Variants in ALDH2 observed in about 807,000 individuals in gnomAD.
ALDH2 encodes aldehyde dehydrogenase 2 family member, also known as aldehyde dehydrogenase, mitochondrial.
A neutral mutation model predicts 59.6 loss-of-function variants in ALDH2; 44 were observed. The observed-to-expected ratio is 0.74, with a 90% CI of 0.58 to 0.95. The LOEUF is 0.95. ALDH2 is among the 40% of genes least tolerant of loss of function. The pLI is 0.00. For missense variants in ALDH2, 570 were observed against 696.3 expected, an observed-to-expected ratio of 0.82 and a Z score of 2.04; for synonymous variants, 291 against 284.0, an observed-to-expected ratio of 1.02 and a Z score of -0.25.
intron 12 of ALDH2, among the ~76,000 whole-genome samples, chr12:111,808,338 C>T (rs914739771): frequency 2.0e-5 from 3 of 152,056 alleles, no homozygotes; most frequent in African/African-American, 7.2e-5. Context: ...GTGATGATTG[C>T]ACAACTTAAA....
chr12:111,793,509 G>A (rs2068378840), intron 9 of ALDH2, among the ~76,000 whole-genome samples: 1 of 151,880 alleles, frequency 6.6e-6, no homozygotes. Flanking sequence ...TCCTGCATGA[G>A]TGTGGTTCAT....
intron 6 of ALDH2, among the ~76,000 whole-genome samples, chr12:111,790,836 CTTGAGTTCAGGAGT>C (rs2068352266): frequency 6.6e-6 from 1 of 152,114 alleles, no homozygotes. Context: ...AGGAGGGTTG[CTTGAGTTCAGGAGT>C]TTGAGACCAG....
chr12:111,767,187 G>A (rs890718018), intron 1 of ALDH2, 91 bp downstream of exon 1: 2 of 1,050,224 alleles, frequency 1.9e-6, no homozygotes, highest in East Asian at 3.1e-5. Context: ...GGGCCTTAGT[G>A]TACTCATCTG....
chr12:111,793,848 C>T (rs887010660), intron 9 of ALDH2, among the ~76,000 whole-genome samples: 3 of 151,730 alleles, frequency 2.0e-5, no homozygotes, highest in African/African-American at 4.8e-5. Flanking sequence ...CACCCAGCCT[C>T]GGGGTCATTT....
chr12:111,799,460 C>G (rs1170678656), intron 10 of ALDH2, among the ~76,000 whole-genome samples: 1 of 151,680 alleles, frequency 6.6e-6, no homozygotes, highest in Non-Finnish European at 1.5e-5. Context: ...AGCCATCGTG[C>G]CTGGCCAAAA....
intron 12 of ALDH2, 112 bp from the exon 13 acceptor site, chr12:111,809,431 G>A: frequency 8.3e-7 from 1 of 1,197,896 alleles, no homozygotes; most frequent in Non-Finnish European, 1.2e-6. Context: ...TCCAGTCTGG[G>A]GAGAAAAAAA....
In ALDH2 at chr12:111,809,930, AC is replaced by A. The variant is rs1449389009; in HGVS notation, c.*358del. The A allele has an allele frequency of 3.0e-6, 1 of 337,900 alleles. No individual in the cohort carries two copies. Among genetic ancestry groups the A allele is most frequent in the African/African-American group, 2.1e-5 (1 of 46,778 alleles). The allele number at this position is 337,900 out of a possible 1,614,324, so 20.9% of individuals were successfully genotyped here. A position where few individuals can be genotyped will look rare whatever the true frequency, so the allele number is the denominator to read the frequency against. On this transcript the variant is annotated 3_prime_UTR_variant, in exon 13 of 13. Transcript: ENST00000261733. ...ATATCACCATTAAGGCAACTGCTAC[AC>A]CCTGCTTTGTATTCTGGGCTAAGAT... is the stretch of plus-strand genomic sequence containing the variant.
chr12:111,805,889 G>A (rs762298012), intron 12 of ALDH2, among the ~76,000 whole-genome samples: 1 of 151,848 alleles, frequency 6.6e-6, no homozygotes, highest in African/African-American at 2.4e-5. Context: ...TGGGCGTGGC[G>A]GCACATGCCT....
chr12:111,804,399 C>T (rs761549083), intron 12 of ALDH2, among the ~76,000 whole-genome samples: 6 of 152,122 alleles, frequency 3.9e-5, no homozygotes, highest in Non-Finnish European at 7.3e-5. Flanking sequence ...CTTCAGGGGG[C>T]GGAGCGGAGA....
chr12:111,806,294 G>A (rs1341646176), intron 12 of ALDH2, among the ~76,000 whole-genome samples: 1 of 151,660 alleles, frequency 6.6e-6, no homozygotes, highest in Admixed American at 6.6e-5. Context: ...TCCAGCCTGG[G>A]CGACAGAGCG....
intron 4 of ALDH2, among the ~76,000 whole-genome samples, chr12:111,787,770 G>A (rs1404298938): frequency 6.6e-6 from 1 of 152,118 alleles, no homozygotes; most frequent in Non-Finnish European, 1.5e-5. Flanking sequence ...GGTGGCTCAT[G>A]CCTGTAATCC....
intron 10 of ALDH2, among the ~76,000 whole-genome samples, chr12:111,799,394 T>C (rs2068430715): frequency 6.6e-6 from 1 of 151,732 alleles, no homozygotes; most frequent in South Asian, 2.1e-4. Flanking sequence ...CTCCAACTCC[T>C]GACCTCAGGT....
At position 111,789,353 on chromosome 12, in the gene ALDH2, C is replaced by G. The variant is rs541130823; in HGVS notation, c.441-470C>G. Among the ~76,000 whole-genome samples, 37 of 151,522 alleles carry G rather than the reference C, an allele frequency of 2.4e-4. No homozygotes were observed. In the South Asian group the frequency reaches 7.1e-3, roughly 29 times the overall value. ...CTTAAAAAAAACAAAGAAGGTCAGG[C>G]ATGGTGGCAGGTGCCTGTAATCCCA... On this transcript the variant is annotated intron_variant, in intron 4 of 12. Coordinates refer to ENST00000261733, the MANE Select transcript of ALDH2 (RefSeq NM_000690.4).
intron 12 of ALDH2, among the ~76,000 whole-genome samples, chr12:111,804,308 A>C (rs1411000995): frequency 6.6e-6 from 1 of 152,168 alleles, no homozygotes; most frequent in Non-Finnish European, 1.5e-5. Context: ...ATACTGAGGG[A>C]CGTGCCCCCA....
Position 111,776,699 on chromosome 12 carries a change from T to A in ALDH2, c.115-5219T>A, listed in dbSNP as rs560607912. On this transcript the variant is annotated intron_variant, in intron 1 of 12. Transcript: ENST00000261733. ...GCTTTTTACAACATTCAGAATAAAA[T>A]TTTTTTTTTTTTTGAGACTCTGTTG... is the stretch of plus-strand genomic sequence containing the variant. Among the ~76,000 whole-genome samples, 334 of 136,946 alleles carry A rather than the reference T, an allele frequency of 2.4e-3. 7 individuals are homozygous for A. The South Asian group carries it at 0.034, about 14-fold the overall frequency. 89.8% of individuals were successfully genotyped at this position (136,946 alleles called of 152,430 possible).
chr12:111,783,333 TG>T (rs1309835158), intron 3 of ALDH2, 35 bp downstream of exon 3: 1 of 1,575,200 alleles, frequency 6.3e-7, no homozygotes, highest in African/African-American at 1.4e-5. Context: ...TCAGATCCCA[TG>T]TGGTGAATAG....
At position 111,799,687 on chromosome 12, in the gene ALDH2, T is replaced by C. The variant is rs571177410; in HGVS notation, c.1249-219T>C. 71 of 458,026 alleles carry C rather than the reference T, an allele frequency of 1.6e-4. No individual in the cohort carries two copies. The Middle Eastern group carries it at 2.3e-3, about 15-fold the overall frequency. 28.4% of individuals were successfully genotyped at this position (458,026 alleles called of 1,614,324 possible). On this transcript the variant is annotated intron_variant, in intron 10 of 12. Coordinates refer to ENST00000261733, the MANE Select transcript of ALDH2 (RefSeq NM_000690.4). ...GCAGGATTGTTTAGAAATGGGATAC[T>C]GTATGTAAAGCCCGGGGCGCACAGG... is the stretch of plus-strand genomic sequence containing the variant.
At chr12:111,780,928 G>A (rs1008686237) in intron 1 of ALDH2, among the ~76,000 whole-genome samples, 1 of 152,070 alleles carries the variant, frequency 6.6e-6, no homozygotes, top group Non-Finnish European at 1.5e-5. Flanking sequence ...GGGGAACATA[G>A]AGGGACCTCA....
intron 1 of ALDH2, among the ~76,000 whole-genome samples, chr12:111,774,673 C>T (rs1428260405): frequency 6.6e-6 from 1 of 152,126 alleles, no homozygotes; most frequent in East Asian, 1.9e-4. Context: ...TTTAGCCTTT[C>T]ATTGGAGACC....
Sources: gnomAD v4.1 joint callset for allele counts (sites outside exome capture counted in the v4.1 genomes callset) on GRCh38, gnomAD v4.1.1 for gene constraint, MANE v1.5 for transcripts, NCBI Gene and HGNC (gene_info 2026-07-23, HGNC 2026-07-21) for gene names.